The following ELMO1 variants were observed in gnomAD, a reference collection of about 807,000 sequenced individuals.
The protein encoded by ELMO1 is engulfment and cell motility 1, also known as engulfment and cell motility protein 1.
In ELMO1, 26 loss-of-function variants were observed where a neutral mutation model predicts 98.9. That is an observed-to-expected ratio of 0.26 (90% CI 0.19 to 0.36). The LOEUF is 0.36. Among genes scored for constraint, ELMO1 ranks in the 10% least tolerant of loss-of-function variants. The pLI is 1.00. For missense variants in ELMO1, 627 were observed against 935.2 expected (o/e 0.67, Z 4.30); for synonymous variants, 346 against 346.0 (o/e 1.00, Z 0.00).
chr7:37,230,350 G>C (rs1397974466), intron 8 of ELMO1, among the ~76,000 whole-genome samples: 2 of 152,172 alleles, frequency 1.3e-5, no homozygotes, highest in Admixed American at 1.3e-4. Flanking sequence ...TTAACTCTAA[G>C]CAGTAAGGTC....
chr7:37,371,178 C>T (rs1562648474), intron 1 of ELMO1, among the ~76,000 whole-genome samples: 4 of 152,028 alleles, frequency 2.6e-5, no homozygotes, highest in South Asian at 2.1e-4. Context: ...AGAATCATTC[C>T]GTTTTTATAA....
At position 37,206,921 on chromosome 7, in the gene ELMO1, T is replaced by C. The variant is rs1342171398; in HGVS notation, c.1086+4465A>G. Among the ~76,000 whole-genome samples the C allele has an allele frequency of 3.3e-5, 5 of 152,024 alleles. No individual in the cohort carries two copies. The East Asian group carries it at 9.6e-4, about 29-fold the overall frequency. On this transcript the variant is annotated intron_variant, in intron 13 of 21. Transcript: ENST00000310758. Reference sequence around the variant, plus strand: ...AAAAAAAAGCCTTGTCTGATTTTAATATCTGCTTTGATTCAGAAGGGATCA... The same window carrying C: ...AAAAAAAAGCCTTGTCTGATTTTAACATCTGCTTTGATTCAGAAGGGATCA...
intron 6 of ELMO1, among the ~76,000 whole-genome samples, chr7:37,253,843 A>G (rs1333270174): frequency 2.0e-5 from 3 of 152,200 alleles, no homozygotes; most frequent in Non-Finnish European, 4.4e-5. Context: ...AATGTTTACG[A>G]AAATTTCCAC....
intron 11 of ELMO1, 70 bp from the exon 12 acceptor site, chr7:37,213,527 A>G: frequency 6.9e-7 from 1 of 1,457,576 alleles, no homozygotes; most frequent in South Asian, 1.3e-5. Context: ...ATTAACACTC[A>G]AGAAGGCTCT....
At chr7:37,081,976 C>T (rs17170867) in intron 15 of ELMO1, among the ~76,000 whole-genome samples, 39,234 of 152,074 alleles carry the variant, frequency 0.26, 6,608 homozygotes, top group African/African-American at 0.48. Flanking sequence ...AGGATTCTTA[C>T]GGACTCTGGT....
intron 15 of ELMO1, among the ~76,000 whole-genome samples, chr7:37,017,410 A>G (rs1043286362): frequency 6.6e-6 from 1 of 152,222 alleles, no homozygotes; most frequent in Non-Finnish European, 1.5e-5. Context: ...AGTTTTGTTC[A>G]TGACAACAAT....
At chr7:37,313,425 A>G (rs1003907529) in intron 4 of ELMO1, among the ~76,000 whole-genome samples, 1 of 152,096 alleles carries the variant, frequency 6.6e-6, no homozygotes, top group African/African-American at 2.4e-5. Flanking sequence ...GGGTTTCACC[A>G]TGTTGGCCAG....
At chr7:37,405,365 C>T (rs539449892) in intron 1 of ELMO1, among the ~76,000 whole-genome samples, 1 of 152,292 alleles carries the variant, frequency 6.6e-6, no homozygotes, top group South Asian at 2.1e-4. Context: ...CCTCTGCCCC[C>T]ATGTCTGTCT....
Position 36,855,451 on chromosome 7 carries a change from T to G in ELMO1, c.*100A>C. On this transcript the variant is annotated 3_prime_UTR_variant, in exon 22 of 22. Transcript: ENST00000310758. This position sits in a 1 kb window ranked among gnomAD's most constrained non-coding sequence, Gnocchi z 4.2. ...GGGAATGTGGACCCACAGCTTCCCT[T>G]TACCAAAGGACGGTTCCAAGGCGTG... The G allele has an allele frequency of 6.8e-7, 1 of 1,481,364 alleles. No individual in the cohort carries two copies. Among genetic ancestry groups the G allele is most frequent in the East Asian group, 2.3e-5 (1 of 44,066 alleles). 91.8% of individuals were successfully genotyped at this position (1,481,364 alleles called of 1,614,324 possible). A position where few individuals can be genotyped will look rare whatever the true frequency, so the allele number is the denominator to read the frequency against.
chr7:37,388,079 C>G (rs1029866370), intron 1 of ELMO1, among the ~76,000 whole-genome samples: 2 of 152,154 alleles, frequency 1.3e-5, no homozygotes, highest in South Asian at 2.1e-4. Flanking sequence ...CCCAAGCAAT[C>G]CTCCAGCCTC....
intron 11 of ELMO1, among the ~76,000 whole-genome samples, chr7:37,213,715 G>A (rs1793121583): frequency 6.6e-6 from 1 of 152,180 alleles, no homozygotes; most frequent in Non-Finnish European, 1.5e-5. Flanking sequence ...GAAAGGGACT[G>A]ATGATGGCAG....
intron 18 of ELMO1, among the ~76,000 whole-genome samples, chr7:36,879,002 C>T (rs1280236625): frequency 2.0e-5 from 3 of 152,232 alleles, no homozygotes; most frequent in Non-Finnish European, 4.4e-5. Flanking sequence ...CTGAGATGTT[C>T]TACAGTCTTC....
At chr7:37,397,765 G>A (rs1803360187) in intron 1 of ELMO1, among the ~76,000 whole-genome samples, 1 of 152,132 alleles carries the variant, frequency 6.6e-6, no homozygotes, top group Admixed American at 6.5e-5. Flanking sequence ...GCCCATCAAC[G>A]ATCGACTGGA....
chr7:37,297,621 AGAC>A (rs1430817327), intron 4 of ELMO1, among the ~76,000 whole-genome samples: 9 of 136,954 alleles, frequency 6.6e-5, no homozygotes, highest in African/African-American at 1.1e-4. Context: ...AAAAAAAAAA[AGAC>A]AGAGAGAGGA....
At chr7:37,074,177 TTA>T (rs1428770385) in intron 15 of ELMO1, among the ~76,000 whole-genome samples, 1 of 148,206 alleles carries the variant, frequency 6.7e-6, no homozygotes, top group Non-Finnish European at 1.5e-5. Context: ...GTAAATACAT[TTA>T]TATATTTTAT....
chr7:37,147,125 G>A (rs1332887254), intron 13 of ELMO1, among the ~76,000 whole-genome samples: 2 of 152,152 alleles, frequency 1.3e-5, no homozygotes, highest in African/African-American at 4.8e-5. Context: ...TCAAGCACAT[G>A]TCTAGAGATT....
intron 14 of ELMO1, among the ~76,000 whole-genome samples, chr7:37,106,698 C>T (rs1245934845): frequency 6.6e-6 from 1 of 151,038 alleles, no homozygotes; most frequent in Non-Finnish European, 1.5e-5. Context: ...CAGAGGGGAA[C>T]AAAGTGTGGC....
At chr7:37,014,109 T>C (rs1026709937) in intron 15 of ELMO1, among the ~76,000 whole-genome samples, 2 of 152,142 alleles carry the variant, frequency 1.3e-5, no homozygotes, top group African/African-American at 4.8e-5. Flanking sequence ...CAAGCCCCCA[T>C]TGTAGAGCTT....
intron 15 of ELMO1, among the ~76,000 whole-genome samples, chr7:37,084,230 AT>A (rs1783637726): frequency 6.6e-6 from 1 of 152,174 alleles, no homozygotes; most frequent in Non-Finnish European, 1.5e-5. Context: ...ATTCTCACTT[AT>A]TTTAGAAGAA....
Sources: gnomAD v4.1 joint callset for allele counts (sites outside exome capture counted in the v4.1 genomes callset) on GRCh38, gnomAD v4.1.1 for gene constraint, Gnocchi (gnomAD v3.1) non-coding constraint, MANE v1.5 for transcripts, NCBI Gene and HGNC (gene_info 2026-07-23, HGNC 2026-07-21) for gene names.